GALNT13: variants seen among roughly 807,000 people sequenced by gnomAD.
The protein encoded by GALNT13 is polypeptide N-acetylgalactosaminyltransferase 13.
In GALNT13, 28 loss-of-function variants were observed where a neutral mutation model predicts 64.2. The observed-to-expected ratio is 0.44, with a 90% confidence interval of 0.32 to 0.60. The LOEUF is 0.60. GALNT13 is among the 20% of genes least tolerant of loss of function. The pLI is 0.05. For synonymous variants in GALNT13, 214 were observed against 224.6 expected, an observed-to-expected ratio of 0.95 and a Z score of 0.42; for missense variants, 577 against 669.8, an observed-to-expected ratio of 0.86 and a Z score of 1.53.
chr2:154,403,465 A>G (rs1288031800), intron 10 of GALNT13, among the ~76,000 whole-genome samples: 1 of 151,938 alleles, frequency 6.6e-6, no homozygotes, highest in African/African-American at 2.4e-5. Context: ...CAAAAAAAAA[A>G]ACAAAAACGA....
chr2:153,239,892 G>C, the GALNT13 span, among the ~76,000 whole-genome samples: 1 of 151,938 alleles, frequency 6.6e-6, no homozygotes, highest in Non-Finnish European at 1.5e-5. Context: ...GAGTAGTTTT[G>C]GTATTAGTTC....
intron 3 of GALNT13, among the ~76,000 whole-genome samples, chr2:154,104,472 G>A (rs1304631510): frequency 6.6e-6 from 1 of 152,172 alleles, no homozygotes; most frequent in Non-Finnish European, 1.5e-5. Flanking sequence ...CCAGCCTCCA[G>A]AGGGAAAAAC....
At chr2:153,293,407 G>C in the GALNT13 span, among the ~76,000 whole-genome samples, 1 of 152,230 alleles carries the variant, frequency 6.6e-6, no homozygotes, top group South Asian at 2.1e-4. Context: ...ATGTGTGTGA[G>C]AGAGGGGGAG....
the GALNT13 span, among the ~76,000 whole-genome samples, chr2:153,467,752 A>T: frequency 6.6e-6 from 1 of 152,102 alleles, no homozygotes; most frequent in Non-Finnish European, 1.5e-5. Flanking sequence ...AGTATCAACA[A>T]GAATTTATTT....
At chr2:154,217,058 A>G (rs1215887313) in intron 4 of GALNT13, among the ~76,000 whole-genome samples, 2 of 151,644 alleles carry the variant, frequency 1.3e-5, no homozygotes. Flanking sequence ...TTCCAAAAGC[A>G]CTAAGATAAC....
intron 9 of GALNT13, among the ~76,000 whole-genome samples, chr2:154,338,182 A>G (rs1488013199): frequency 1.3e-5 from 2 of 152,134 alleles, no homozygotes; most frequent in Non-Finnish European, 2.9e-5. Flanking sequence ...ACACTATTCC[A>G]TTAGGCATTT....
chr2:154,233,901 T>C (rs899790995), intron 4 of GALNT13, among the ~76,000 whole-genome samples: 3 of 152,122 alleles, frequency 2.0e-5, no homozygotes, highest in African/African-American at 4.8e-5. Context: ...AGGCAAAGTA[T>C]GATCCTCTGG....
At chr2:153,375,853 A>T in the GALNT13 span, among the ~76,000 whole-genome samples, 1 of 152,018 alleles carries the variant, frequency 6.6e-6, no homozygotes, top group African/African-American at 2.4e-5. Context: ...GGTTTATTTG[A>T]CTCATGGTTC....
At chr2:153,672,892 C>T in the GALNT13 span, among the ~76,000 whole-genome samples, 1 of 151,286 alleles carries the variant, frequency 6.6e-6, no homozygotes, top group Non-Finnish European at 1.5e-5. Flanking sequence ...ACTGATCCCA[C>T]AGAAATACAA....
chr2:153,888,037 A>C (rs1687305428), intron 1 of GALNT13, among the ~76,000 whole-genome samples: 1 of 152,074 alleles, frequency 6.6e-6, no homozygotes. Flanking sequence ...ATTTGAAATA[A>C]CAAATTGTAA....
chr2:153,601,951 G>A, the GALNT13 span, among the ~76,000 whole-genome samples: 20 of 151,978 alleles, frequency 1.3e-4, no homozygotes, highest in African/African-American at 4.6e-4. Flanking sequence ...GACTCATTCA[G>A]CCATGTGTAA....
At chr2:153,190,841 CAGTG>C in the GALNT13 span, among the ~76,000 whole-genome samples, 244 of 151,816 alleles carry the variant, frequency 1.6e-3, 5 homozygotes, top group Non-Finnish European at 6.3e-4. Flanking sequence ...TAGCTATTGT[CAGTG>C]AGATTGCTTT....
chr2:153,421,688 T>C, the GALNT13 span: 1 of 293,580 alleles, frequency 3.4e-6, no homozygotes, highest in Admixed American at 3.6e-5. Flanking sequence ...TCCTTGTCTG[T>C]GATGAGCTGC....
chr2:153,986,818 C>T (rs942176617), intron 3 of GALNT13, among the ~76,000 whole-genome samples: 3 of 151,924 alleles, frequency 2.0e-5, no homozygotes, highest in African/African-American at 7.2e-5. Flanking sequence ...CAAAAGGCTG[C>T]TCGTGCAGGA....
At chr2:153,592,643 G>T in the GALNT13 span, among the ~76,000 whole-genome samples, 1 of 152,148 alleles carries the variant, frequency 6.6e-6, no homozygotes, top group African/African-American at 2.4e-5. Context: ...GCTAAAAAAT[G>T]TACACACATT....
intron 11 of GALNT13, among the ~76,000 whole-genome samples, chr2:154,419,070 T>C (rs1428228600): frequency 6.6e-6 from 1 of 152,292 alleles, no homozygotes; most frequent in South Asian, 2.1e-4. Flanking sequence ...ATCCTTAAAA[T>C]ATTAAATGAT....
the GALNT13 span, among the ~76,000 whole-genome samples, chr2:153,272,135 A>G: frequency 0.45 from 69,132 of 152,002 alleles, 16,157 homozygotes; most frequent in Non-Finnish European, 0.5. Flanking sequence ...AGACTTAAAC[A>G]TAAGACCTAA....
chr2:154,022,760 C>G (rs544331148), intron 3 of GALNT13, among the ~76,000 whole-genome samples: 1 of 152,164 alleles, frequency 6.6e-6, no homozygotes, highest in Admixed American at 6.5e-5. Flanking sequence ...TTTGCTCTTG[C>G]TTTTCTAGTT....
In GALNT13 at chr2:154,283,990, T is replaced by G. The variant is rs1024613850; in HGVS notation, c.976-17419T>G. Among the ~76,000 whole-genome samples the G allele has an allele frequency of 3.9e-5, 6 of 152,224 alleles. No individual in the cohort carries two copies. The East Asian group carries it at 1.2e-3, about 29-fold the overall frequency. ...GTATATTCTTTTATTTTTATGTTTA[T>G]TTGTAATTAACACATAATAACTGTG... On this transcript the variant is annotated intron_variant, in intron 8 of 12. Coordinates refer to ENST00000392825, the MANE Select transcript of GALNT13 (RefSeq NM_052917.4).
Sources: gnomAD v4.1 joint callset for allele counts (sites outside exome capture counted in the v4.1 genomes callset) on GRCh38, gnomAD v4.1.1 for gene constraint, MANE v1.5 for transcripts, NCBI Gene and HGNC (gene_info 2026-07-23, HGNC 2026-07-21) for gene names.